ARPC4: variants seen among roughly 807,000 people sequenced by gnomAD.
ARPC4 encodes actin-related protein 2/3 complex subunit 4.
ARPC4 carries 3 observed loss-of-function variants against 22.8 expected under a neutral mutation model. That is an observed-to-expected ratio of 0.13 (90% CI 0.06 to 0.34). The LOEUF (loss-of-function observed/expected upper bound fraction) is 0.34, where lower values mean the gene tolerates loss of function less well. ARPC4 is among the 10% of genes least tolerant of loss of function. The pLI, the probability that ARPC4 is intolerant of heterozygous loss-of-function variation, is 1.00. For missense variants in ARPC4, 98 were observed against 211.0 expected, an observed-to-expected ratio of 0.46 and a Z score of 3.32; for synonymous variants, 80 against 72.5, an observed-to-expected ratio of 1.10 and a Z score of -0.52.
intron 4 of ARPC4, among the ~76,000 whole-genome samples, chr3:9,802,468 C>G (rs1472707541): frequency 2.7e-5 from 4 of 149,970 alleles, no homozygotes; most frequent in Non-Finnish European, 3.0e-5. Context: ...CTCCGCCTCC[C>G]GGGTTCACGC....
In ARPC4 at chr3:9,801,620, G is replaced by A. The variant is rs370449984; in HGVS notation, c.235-41G>A. The A allele has an allele frequency of 7.7e-6, 12 of 1,555,766 alleles. No homozygotes were observed. The Admixed American group carries it at 2.0e-4, about 26-fold the overall frequency. On this transcript the variant is annotated intron_variant, in intron 3 of 5. Coordinates refer to ENST00000397261, the MANE Select transcript of ARPC4 (RefSeq NM_005718.5). ...GGCTACAAGGTGTTTTTGGCCTTGGGTGTCAGCTTTAGAGAAACATTTCTC... is the reference window on the plus strand; with the variant it reads ...GGCTACAAGGTGTTTTTGGCCTTGGATGTCAGCTTTAGAGAAACATTTCTC...
chr3:9,799,831 T>A (rs2078971280), intron 2 of ARPC4: 1 of 470,468 alleles, frequency 2.1e-6, no homozygotes, highest in East Asian at 6.4e-5. Context: ...GCTCCTACTA[T>A]GTGCCAGGCA....
chr3:9,797,479 A>G (rs1396160503), intron 1 of ARPC4, among the ~76,000 whole-genome samples, 180 bp from the exon 2 acceptor site: 1 of 152,184 alleles, frequency 6.6e-6, no homozygotes, highest in African/African-American at 2.4e-5. Flanking sequence ...TCTCCTGTTG[A>G]AAACTACCAC....
Position 9,802,957 on chromosome 3 carries a change from C to T in ARPC4, c.331-886C>T, listed in dbSNP as rs568059823. On this transcript the variant is annotated intron_variant, in intron 4 of 5. Coordinates refer to ENST00000397261, the MANE Select transcript of ARPC4 (RefSeq NM_005718.5). ...TGAATCATAGTCTGCAATCTGGGCT[C>T]ACTGCAAGCTCCGCCTCCTGGGTTC... 9.2e-5 allele frequency among the ~76,000 whole-genome samples: 14 copies of T among 152,062 alleles called. No individual in the cohort carries two copies. In the South Asian group the frequency reaches 2.7e-3, roughly 29 times the overall value.
At chr3:9,805,387 C>T (rs895677058) in intron 5 of ARPC4, among the ~76,000 whole-genome samples, 2 of 152,166 alleles carry the variant, frequency 1.3e-5, no homozygotes, top group East Asian at 1.9e-4. Flanking sequence ...GCTGGGTTTT[C>T]GGACTCAGAG....
chr3:9,793,462 G>T (rs2078801866), intron 1 of ARPC4, among the ~76,000 whole-genome samples: 1 of 152,184 alleles, frequency 6.6e-6, no homozygotes, highest in African/African-American at 2.4e-5. Flanking sequence ...AGCCTCTGAG[G>T]CATGAAGCAA....
upstream of ARPC4, chr3:9,792,961 A>G (rs773032983): frequency 2.8e-5 from 40 of 1,411,486 alleles, 1 homozygote; most frequent in Non-Finnish European, 3.7e-5. Flanking sequence ...AAACTTCCGG[A>G]AGGCCCAAGC....
chr3:9,793,248 A>C, intron 1 of ARPC4, 124 bp downstream of exon 1: 12 of 1,416,720 alleles, frequency 8.5e-6, no homozygotes, highest in Non-Finnish European at 1.1e-5. Flanking sequence ...TTGTGGGGAC[A>C]CGATGAGGGT....
chr3:9,799,337 G>A (rs1316748928), intron 2 of ARPC4, among the ~76,000 whole-genome samples: 2 of 152,240 alleles, frequency 1.3e-5, no homozygotes, highest in East Asian at 3.9e-4. Context: ...ATTTCAGATT[G>A]TGGAATATTT....
At chr3:9,793,591 C>G (rs2078806764) in intron 1 of ARPC4, among the ~76,000 whole-genome samples, 1 of 152,188 alleles carries the variant, frequency 6.6e-6, no homozygotes, top group Non-Finnish European at 1.5e-5. Flanking sequence ...TTCTTGGTAC[C>G]TCCAGCCCTG....
upstream of ARPC4, chr3:9,792,544 C>T (rs2125631067): frequency 2.4e-6 from 3 of 1,225,028 alleles, no homozygotes; most frequent in Non-Finnish European, 3.0e-6. Flanking sequence ...CTGGAGTTTG[C>T]CGGGGGTGGG....
chr3:9,797,081 A>C (rs2078911208), intron 1 of ARPC4, among the ~76,000 whole-genome samples: 1 of 150,624 alleles, frequency 6.6e-6, no homozygotes, highest in Admixed American at 6.6e-5. Context: ...TATCATAGTT[A>C]TTTTCTGTAT....
chr3:9,798,758 C>T (rs2078948170), intron 2 of ARPC4, among the ~76,000 whole-genome samples: 1 of 152,140 alleles, frequency 6.6e-6, no homozygotes, highest in Non-Finnish European at 1.5e-5. Flanking sequence ...CCTGTAGTCC[C>T]AGCTACTCGG....
chr3:9,793,319 G>A, intron 1 of ARPC4, 195 bp downstream of exon 1: 1 of 1,124,942 alleles, frequency 8.9e-7, no homozygotes, highest in Non-Finnish European at 1.2e-6. Flanking sequence ...GTACTCCCTG[G>A]TATGAAGTGG....
chr3:9,804,198 A>G, intron 5 of ARPC4, 185 bp downstream of exon 5: 1 of 571,134 alleles, frequency 1.8e-6, no homozygotes. Context: ...TTCATCTCTG[A>G]GAGCTACAAG....
At chr3:9,802,767 C>T (rs966670634) in intron 4 of ARPC4, among the ~76,000 whole-genome samples, 2 of 150,816 alleles carry the variant, frequency 1.3e-5, no homozygotes. Flanking sequence ...TTCCACCTCC[C>T]AGGTCAAGTG....
upstream of ARPC4, chr3:9,793,034 G>A (rs988732469): frequency 1.9e-6 from 3 of 1,539,868 alleles, no homozygotes; most frequent in African/African-American, 4.1e-5. Flanking sequence ...TCCGGGCGGA[G>A]ACCGTAGCTG....
intron 2 of ARPC4, among the ~76,000 whole-genome samples, chr3:9,799,148 T>C (rs561999843): frequency 2.2e-4 from 34 of 152,272 alleles, no homozygotes; most frequent in South Asian, 6.2e-4. Flanking sequence ...CCTGAACTCA[T>C]AGGGGTCTCA....
At chr3:9,793,309 G>C in intron 1 of ARPC4, 185 bp downstream of exon 1, 1 of 1,176,240 alleles carries the variant, frequency 8.5e-7, no homozygotes, top group Admixed American at 3.0e-5. Flanking sequence ...GCGAGTGGGG[G>C]TACTCCCTGG....
Sources: gnomAD v4.1 joint callset for allele counts (sites outside exome capture counted in the v4.1 genomes callset) on GRCh38, gnomAD v4.1.1 for gene constraint, MANE v1.5 for transcripts, NCBI Gene and HGNC (gene_info 2026-07-23, HGNC 2026-07-21) for gene names.